Variants in TRPM7 observed in about 807,000 individuals in gnomAD.
TRPM7 encodes transient receptor potential cation channel subfamily M member 7.
Under a neutral mutation model 229.7 loss-of-function variants are expected in TRPM7, and 134 were observed. The ratio of observed to expected loss-of-function variants is 0.58; its 90% CI spans 0.51 to 0.67. The LOEUF is 0.67. Among genes scored for constraint, TRPM7 ranks in the 30% least tolerant of loss-of-function variants. TRPM7 has a pLI of 0.00. For missense variants in TRPM7, 1,901 were observed against 2,210.0 expected (o/e 0.86, Z 2.80); for synonymous variants, 699 against 715.2 (o/e 0.98, Z 0.36).
chr15:50,654,446 CAA>C (rs1452127276), intron 3 of TRPM7, among the ~76,000 whole-genome samples: 1 of 149,458 alleles, frequency 6.7e-6, no homozygotes, highest in Non-Finnish European at 1.5e-5. Flanking sequence ...GACACCATCT[CAA>C]AAAAATAAAA....
chr15:50,619,933 G>A, intron 12 of TRPM7, 135 bp from the exon 13 acceptor site: 2 of 686,850 alleles, frequency 2.9e-6, no homozygotes, highest in South Asian at 4.5e-5. Flanking sequence ...TCATAAAGTA[G>A]AACAACAAAG....
chr15:50,679,376 C>T (rs1483720813), intron 1 of TRPM7, among the ~76,000 whole-genome samples: 1 of 149,162 alleles, frequency 6.7e-6, no homozygotes, highest in Non-Finnish European at 1.5e-5. Context: ...GACGTTCACA[C>T]TGCGAGTAAG....
At chr15:50,679,538 A>ATATATATATATATATAT (rs1400383980) in intron 1 of TRPM7, among the ~76,000 whole-genome samples, 3 of 43,900 alleles carry the variant, frequency 6.8e-5, no homozygotes, top group African/African-American at 3.2e-4. Flanking sequence ...ATATATATAT[A>ATATATATATATATATAT]TTTTTTTTTT....
At chr15:50,655,744 T>C (rs1308611449) in intron 3 of TRPM7, among the ~76,000 whole-genome samples, 1 of 152,182 alleles carries the variant, frequency 6.6e-6, no homozygotes, top group Non-Finnish European at 1.5e-5. Flanking sequence ...ACGCCTGGAA[T>C]TCCAGCACTT....
rs533192735 is a variant in TRPM7 at position 50,651,846 on chromosome 15, C to T, written c.123-2961G>A. Among the ~76,000 whole-genome samples, 522 of 151,962 alleles carry T rather than the reference C, an allele frequency of 3.4e-3. 13 individuals are homozygous for T. The highest frequency in any genetic ancestry group is 1.7e-3 in the East Asian group (9 of 5,160). ...GGGTTGCAGTGAGCTGAGATCGCGC[C>T]ACTGCACATCCAGCCTGGCGACGGA... On this transcript the variant is annotated intron_variant, in intron 3 of 38. Transcript: ENST00000646667.
At chr15:50,633,829 C>T (rs918629053) in intron 8 of TRPM7, among the ~76,000 whole-genome samples, 5 of 152,162 alleles carry the variant, frequency 3.3e-5, no homozygotes, top group Non-Finnish European at 7.4e-5. Context: ...AAGATAAGTG[C>T]CTCTACGTTT....
chr15:50,569,646 C>T (rs529171966), intron 38 of TRPM7, among the ~76,000 whole-genome samples: 89 of 152,294 alleles, frequency 5.8e-4, no homozygotes, highest in Non-Finnish European at 1.0e-3. Context: ...ACTTTCAACA[C>T]TGAGCACAAT....
intron 1 of TRPM7, among the ~76,000 whole-genome samples, chr15:50,678,102 G>C (rs1214870948): frequency 6.6e-6 from 1 of 151,578 alleles, no homozygotes; most frequent in Admixed American, 6.6e-5. Context: ...TCAGCCGGGC[G>C]TGGTGGTGGG....
chr15:50,589,723 C>T lies in TRPM7; in HGVS notation c.4325-67G>A, dbSNP rs934521732. 8 of 1,044,936 alleles carry T rather than the reference C, an allele frequency of 7.7e-6. No homozygotes were observed. The African/African-American group carries it at 1.3e-4, about 17-fold the overall frequency. The allele number at this position is 1,044,936 out of a possible 1,614,324, so 64.7% of individuals were successfully genotyped here. A position where few individuals can be genotyped will look rare whatever the true frequency, so the allele number is the denominator to read the frequency against. On this transcript the variant is annotated intron_variant, in intron 26 of 38. Coordinates refer to ENST00000646667, the MANE Select transcript of TRPM7 (RefSeq NM_017672.6). ...TTTCTTCACCGAAATAATGGCACTG[C>T]TTAAAGTTTATAAAAACAATAGGTT...
rs987507686 is a variant in TRPM7, at chr15:50,561,787, G to A, written c.5489C>T (p.Thr1830Met). The change falls in exon 39 of 39, where the codon ACG (threonine) becomes ATG (methionine). Residue 1830 changes from threonine to methionine, a missense_variant. Physicochemically the swap from Thr to Met is moderately conservative, Grantham distance 81. Transcript: ENST00000646667. ...KLPDLKRNDY[T>M]PDKIIFPQDE... Reference sequence around the variant, plus strand: ...CTGAGGAAATATAATTTTATCAGGCGTATAATCATTCCTCTTCAGATCTAC... The same window carrying A: ...CTGAGGAAATATAATTTTATCAGGCATATAATCATTCCTCTTCAGATCTAC... The A allele has an allele frequency of 9.3e-6, 15 of 1,608,116 alleles. No homozygotes were observed. Among genetic ancestry groups the A allele is most frequent in the East Asian group, 2.2e-5 (1 of 44,678 alleles).
chr15:50,593,484 C>G, intron 25 of TRPM7, 133 bp downstream of exon 25: 1 of 965,728 alleles, frequency 1.0e-6, no homozygotes, highest in Non-Finnish European at 1.5e-6. Flanking sequence ...AACGATCTTT[C>G]CAATACATCA....
At chr15:50,598,751 G>A (rs2059696526) in intron 22 of TRPM7, among the ~76,000 whole-genome samples, 1 of 152,190 alleles carries the variant, frequency 6.6e-6, no homozygotes, top group Non-Finnish European at 1.5e-5. Context: ...GCTAATGACA[G>A]TCTTAGAATC....
chr15:50,605,467 T>C (rs1427692114), intron 20 of TRPM7, among the ~76,000 whole-genome samples: 1 of 152,206 alleles, frequency 6.6e-6, no homozygotes, highest in Non-Finnish European at 1.5e-5. Flanking sequence ...CACCTGGATA[T>C]CCTGGTAGTA....
At chr15:50,565,254 T>C (rs893870767) in intron 38 of TRPM7, among the ~76,000 whole-genome samples, 8 of 152,068 alleles carry the variant, frequency 5.3e-5, no homozygotes, top group Non-Finnish European at 1.2e-4. Context: ...AGTGCTGGGA[T>C]TACAGGGGTA....
At chr15:50,680,007 G>C (rs963117322) in intron 1 of TRPM7, among the ~76,000 whole-genome samples, 7 of 152,102 alleles carry the variant, frequency 4.6e-5, no homozygotes, top group African/African-American at 1.7e-4. Flanking sequence ...GCCAAGGTGG[G>C]TGGATCACTT....
intron 12 of TRPM7, among the ~76,000 whole-genome samples, chr15:50,621,211 G>T (rs1290732657): frequency 6.6e-6 from 1 of 151,014 alleles, no homozygotes; most frequent in African/African-American, 2.4e-5. Flanking sequence ...CAACTCAGGG[G>T]CTAAGTTCTC....
intron 29 of TRPM7, among the ~76,000 whole-genome samples, chr15:50,582,246 A>G (rs962403198): frequency 6.6e-6 from 1 of 151,728 alleles, no homozygotes; most frequent in African/African-American, 2.4e-5. Flanking sequence ...GGCATGAGCC[A>G]CTGCACACAG....
At chr15:50,587,424 T>TTTTTA (rs398027233) in intron 27 of TRPM7, among the ~76,000 whole-genome samples, 1 of 135,906 alleles carries the variant, frequency 7.4e-6, no homozygotes, top group African/African-American at 3.1e-5. Flanking sequence ...TTTTTTTTTT[T>TTTTTA]GAGATGGAGT....
In TRPM7 at chr15:50,636,340, G is replaced by A. The variant is rs146317411; in HGVS notation, c.832+1082C>T. Among the ~76,000 whole-genome samples the A allele has an allele frequency of 9.4e-4, 143 of 152,004 alleles. 4 individuals carry two copies. In the East Asian group the frequency reaches 0.023, roughly 24 times the overall value. The stretch of plus-strand genomic sequence containing the variant: ...CAAGAAGCTGGGACTACAAGCACAC[G>A]CCACCACGCTCGGCTAATTTTTGTA... On this transcript the variant is annotated intron_variant, in intron 7 of 38. Transcript: ENST00000646667.
Sources: gnomAD v4.1 joint callset for allele counts (sites outside exome capture counted in the v4.1 genomes callset) on GRCh38, gnomAD v4.1.1 for gene constraint, MANE v1.5 for transcripts, NCBI Gene and HGNC (gene_info 2026-07-23, HGNC 2026-07-21) for gene names.